Variants in TMEM260 observed in about 807,000 individuals in gnomAD.
TMEM260 encodes transmembrane protein 260.
TMEM260 carries 82 observed loss-of-function variants against 88.9 expected under a neutral mutation model. That is an observed-to-expected ratio of 0.92 (90% confidence interval 0.77 to 1.11). The LOEUF (loss-of-function observed/expected upper bound fraction) is 1.11. TMEM260 is among the 50% of genes least tolerant of loss of function. The pLI is 0.00. For missense variants in TMEM260, 902 were observed against 853.4 expected, an observed-to-expected ratio of 1.06 and a Z score of -0.71; for synonymous variants, 314 against 309.3, an observed-to-expected ratio of 1.02 and a Z score of -0.16.
chr14:56,607,546 C>T (rs1417734662), intron 5 of TMEM260, among the ~76,000 whole-genome samples: 1 of 152,076 alleles, frequency 6.6e-6, no homozygotes, highest in Non-Finnish European at 1.5e-5. Context: ...AGCAGAAAGT[C>T]CTGAGTCAGT....
upstream of TMEM260, chr14:56,579,574 A>G (rs190953381): frequency 1.2e-4 from 28 of 231,476 alleles, no homozygotes; most frequent in East Asian, 2.2e-3. Flanking sequence ...AAGTCAGTAT[A>G]AAAGGGGGGA....
chr14:56,647,589 A>T lies in TMEM260; in HGVS notation c.*92A>T. 1.4e-6 allele frequency: 2 copies of T among 1,397,022 alleles called. No homozygotes were observed. Among genetic ancestry groups the T allele is most frequent in the South Asian group, 2.9e-5 (2 of 68,086 alleles). 86.5% of individuals were successfully genotyped at this position (1,397,022 alleles called of 1,614,324 possible). ...CTTCAAGAAAAGAAACTGCATAAAA[A>T]ATTTAAAACTAAGTCATCTCCCAGA... On this transcript the variant is annotated 3_prime_UTR_variant, in exon 16 of 16. Transcript: ENST00000261556.
Position 56,609,141 on chromosome 14 carries a change from G to C in TMEM260, c.672G>C (p.Leu224=), listed in dbSNP as rs773142182. 1 of 1,614,142 alleles carries C rather than the reference G, an allele frequency of 6.2e-7. No homozygotes were observed. The highest frequency in any genetic ancestry group is 8.5e-7 in the Non-Finnish European group (1 of 1,180,018). The change falls in exon 6 of 16, where the codon CTG becomes CTC. Residue 224 remains leucine (L), a synonymous_variant. Transcript: ENST00000261556. ...LSLGSLLKLS[L]YFSAGLLPYV... ...TGGGCTCTTTGTTGAAGTTGAGCCTGTACTTCTCTGCTGGTTTGCTGCCCT... is the reference window on the plus strand; with the variant it reads ...TGGGCTCTTTGTTGAAGTTGAGCCTCTACTTCTCTGCTGGTTTGCTGCCCT...
intron 3 of TMEM260, among the ~76,000 whole-genome samples, chr14:56,590,125 A>G (rs1482419378): frequency 2.6e-5 from 4 of 152,226 alleles, no homozygotes; most frequent in African/African-American, 7.2e-5. Context: ...AATTGATCAT[A>G]TATTTCTCTC....
chr14:56,650,369 G>A (rs1890182443), downstream of TMEM260: 1 of 228,252 alleles, frequency 4.4e-6, no homozygotes, highest in Admixed American at 5.3e-5. Flanking sequence ...GAAGCGGATG[G>A]TGGCTCCCAT....
chr14:56,628,854 T>C (rs1467760933), intron 12 of TMEM260, among the ~76,000 whole-genome samples: 4 of 152,004 alleles, frequency 2.6e-5, no homozygotes, highest in African/African-American at 9.7e-5. Context: ...TAGATGTATG[T>C]CTACTATTAT....
Position 56,636,520 on chromosome 14 carries a change from G to A in TMEM260, c.1791G>A (p.Pro597=), listed in dbSNP as rs149607582. 1.2e-4 allele frequency: 187 copies of A among 1,613,800 alleles called. 2 individuals carry two copies. The highest frequency in any genetic ancestry group is 3.6e-4 in the South Asian group (33 of 91,068). The change falls in exon 15 of 16, where the codon CCG becomes CCA. Residue 597 remains proline (P), a synonymous_variant. Coordinates refer to ENST00000261556, the MANE Select transcript of TMEM260 (RefSeq NM_017799.4). ...TCCCCACCCCCAGGATGAAAACACC[G>A]TTCTTCATCTTTAACCTGGCAGAAA... ...EEMWQARMKT[P]FFIFNLAETA...
downstream of TMEM260, among the ~76,000 whole-genome samples, chr14:56,654,934 A>G (rs1206354093): frequency 1.3e-5 from 2 of 152,042 alleles, no homozygotes; most frequent in African/African-American, 4.8e-5. Flanking sequence ...GTAGGTGACA[A>G]TGATTTCTCC....
At chr14:56,595,988 G>A (rs1566533924) in intron 3 of TMEM260, among the ~76,000 whole-genome samples, 1 of 151,280 alleles carries the variant, frequency 6.6e-6, no homozygotes, top group African/African-American at 2.4e-5. Flanking sequence ...TTTTATTTAA[G>A]AAAAAAAATC....
chr14:56,612,257 A>G lies in TMEM260; in HGVS notation c.829A>G (p.Ile277Val). 1 of 1,613,702 alleles carries G rather than the reference A, an allele frequency of 6.2e-7. No homozygotes were observed. The highest frequency in any genetic ancestry group is 8.5e-7 in the Non-Finnish European group (1 of 1,179,698). ...CTTTTGTGTTTAGGCCAAATCTGAA[A>G]TAGGATCCAGTATGTCTGAAATACT... The part of the protein sequence containing the change: ...YGTFSLAKSE[I>V]GSSMSEILLS... The change falls in exon 7 of 16, where the codon ATA (isoleucine) becomes GTA (valine). Residue 277 changes from isoleucine to valine, a missense_variant. Physicochemically the swap from Ile to Val is conservative, Grantham distance 29. Transcript: ENST00000261556.
At chr14:56,589,192 A>G (rs1566527856) in intron 3 of TMEM260, among the ~76,000 whole-genome samples, 1 of 152,128 alleles carries the variant, frequency 6.6e-6, no homozygotes, top group Non-Finnish European at 1.5e-5. Flanking sequence ...ATAGCATTGT[A>G]TAAAAATTCT....
chr14:56,662,116 G>A, the TMEM260 span, among the ~76,000 whole-genome samples: 1 of 152,136 alleles, frequency 6.6e-6, no homozygotes, highest in Non-Finnish European at 1.5e-5. Context: ...GCCATGATTT[G>A]GCTTCTACAT....
chr14:56,612,331 A>C (rs1887335833), intron 7 of TMEM260, 46 bp downstream of exon 7: 2 of 1,495,138 alleles, frequency 1.3e-6, no homozygotes, highest in South Asian at 2.3e-5. Context: ...ATTCTCTATT[A>C]GTTCCTTTAA....
At chr14:56,584,962 T>C (rs1460075893) in intron 1 of TMEM260, 39 bp from the exon 2 acceptor site, 2 of 1,592,520 alleles carry the variant, frequency 1.3e-6, no homozygotes, top group Non-Finnish European at 1.7e-6. Flanking sequence ...AGTGTCATTC[T>C]CTAATAGTAA....
chr14:56,613,213 A>T (rs1348775900), intron 7 of TMEM260: 1 of 152,148 alleles, frequency 6.6e-6, no homozygotes, highest in Non-Finnish European at 1.5e-5. Flanking sequence ...TGTCCTAACT[A>T]ATTACTAATT....
chr14:56,579,994 GC>G lies in TMEM260; in HGVS notation c.81del (p.Gly28AlafsTer29). The part of the protein sequence containing the change: ...RVGLRRSGGI[R>X]GGVAVFAAVA... Reference sequence around the variant, plus strand: ...GGGCTGCGGCGCTCCGGGGGCATCCGCGGCGGCGTGGCGGTGTTCGCCGCCG... The same window carrying G: ...GGGCTGCGGCGCTCCGGGGGCATCCGGGCGGCGTGGCGGTGTTCGCCGCCG... On this transcript the variant is annotated frameshift_variant, in exon 1 of 16. Transcript: ENST00000261556. LOFTEE classifies it high-confidence loss of function. The G allele has an allele frequency of 8.0e-7, 1 of 1,246,422 alleles. No homozygotes were observed. The highest frequency in any genetic ancestry group is 3.1e-5 in the East Asian group (1 of 31,798). The allele number at this position is 1,246,422 out of a possible 1,614,324, so 77.2% of individuals were successfully genotyped here.
At chr14:56,660,047 T>C in the TMEM260 span, among the ~76,000 whole-genome samples, 1 of 152,200 alleles carries the variant, frequency 6.6e-6, no homozygotes, top group African/African-American at 2.4e-5. Flanking sequence ...CCTGCTACTA[T>C]AAATTTCACG....
At chr14:56,592,415 C>G (rs1404167106) in intron 3 of TMEM260, among the ~76,000 whole-genome samples, 1 of 152,118 alleles carries the variant, frequency 6.6e-6, no homozygotes, top group African/African-American at 2.4e-5. Context: ...CACAGAGTAC[C>G]TGGCACGTGT....
chr14:56,624,844 G>T (rs541787242), intron 11 of TMEM260, among the ~76,000 whole-genome samples: 1 of 151,374 alleles, frequency 6.6e-6, no homozygotes, highest in Admixed American at 6.6e-5. Flanking sequence ...ACCAGGGACC[G>T]GTTTTGTGAA....
Sources: gnomAD v4.1 joint callset for allele counts (sites outside exome capture counted in the v4.1 genomes callset) on GRCh38, gnomAD v4.1.1 for gene constraint, MANE v1.5 for transcripts, NCBI Gene and HGNC (gene_info 2026-07-23, HGNC 2026-07-21) for gene names.